Variants in NDUFAF6 observed in about 807,000 individuals in gnomAD.
NDUFAF6 encodes the protein NADH dehydrogenase (ubiquinone) complex I, assembly factor 6.
Under a neutral mutation model 40.8 loss-of-function variants are expected in NDUFAF6, and 45 were observed. The observed-to-expected ratio is 1.10, with a 90% CI of 0.87 to 1.42. NDUFAF6 has a LOEUF of 1.42. Ranked by LOEUF, NDUFAF6 falls within the 40% of genes most tolerant of loss-of-function variation. The pLI is 0.00. For missense variants in NDUFAF6, 435 were observed against 418.5 expected (o/e 1.04, Z -0.34); for synonymous variants, 185 against 155.9 (o/e 1.19, Z -1.39).
At chr8:95,059,237 T>G (rs1832505413), downstream of NDUFAF6, among the ~76,000 whole-genome samples, 2 of 152,190 alleles carry the variant, frequency 1.3e-5, no homozygotes. Context: ...CTCTCTCATT[T>G]AAGTCTTTGG....
intron 9 of NDUFAF6, among the ~76,000 whole-genome samples, chr8:95,070,115 A>G (rs1000193226): frequency 3.2e-4 from 49 of 152,132 alleles, no homozygotes; most frequent in African/African-American, 1.1e-3. Context: ...TTTGAGAGGC[A>G]TAGCATATGG....
intron 9 of NDUFAF6, among the ~76,000 whole-genome samples, chr8:95,070,494 T>C (rs1253625440): frequency 6.6e-6 from 1 of 152,226 alleles, no homozygotes; most frequent in Non-Finnish European, 1.5e-5. Flanking sequence ...TGCTTTAAGA[T>C]TTCAGGTTAT....
intron 1 of NDUFAF6, among the ~76,000 whole-genome samples, chr8:94,973,713 A>C (rs1318432566): frequency 1.3e-5 from 2 of 151,476 alleles, no homozygotes; most frequent in Non-Finnish European, 2.9e-5. Context: ...TGTCTCAAAA[A>C]AAAAAAAAAA....
rs531606065 is a variant in NDUFAF6, at chr8:95,069,460, T to C, written c.*512-6173T>C. ...TAAAGCTCTGCTTTCACATAGTTGG[T>C]CTTTAAAAATTCTATTGAATTAAAA... On this transcript the variant is annotated intron_variant and NMD_transcript_variant, in intron 9 of 9. Transcript: ENST00000520757. 4.1e-4 allele frequency among the ~76,000 whole-genome samples: 63 copies of C among 151,960 alleles called. 1 individual carries two copies. Among genetic ancestry groups the C allele is most frequent in the African/African-American group, 1.5e-3 (61 of 41,240 alleles).
chr8:94,967,040 G>A (rs1366246104), intron 1 of NDUFAF6, among the ~76,000 whole-genome samples: 1 of 152,164 alleles, frequency 6.6e-6, no homozygotes, highest in Non-Finnish European at 1.5e-5. Context: ...AAATTGGATA[G>A]ACCATTGTAA....
intron 1 of NDUFAF6, among the ~76,000 whole-genome samples, chr8:94,943,256 A>C (rs991348067): frequency 3.3e-5 from 5 of 152,204 alleles, no homozygotes; most frequent in Non-Finnish European, 7.3e-5. Context: ...TGGGAGGCTG[A>C]GGCCACAGGA....
upstream of NDUFAF6, among the ~76,000 whole-genome samples, chr8:95,097,237 T>C (rs1006333637): frequency 6.6e-6 from 1 of 152,210 alleles, no homozygotes; most frequent in Non-Finnish European, 1.5e-5. Flanking sequence ...GCTTCATTCC[T>C]TGACAACAAA....
intron 6 of NDUFAF6, 146 bp downstream of exon 6, chr8:95,047,273 C>A: frequency 8.7e-7 from 1 of 1,145,022 alleles, no homozygotes; most frequent in Non-Finnish European, 1.3e-6. Flanking sequence ...CTCTTTTTAT[C>A]CCAGAGTTAT....
At chr8:94,896,035 GC>G (rs200893368) in intron 1 of NDUFAF6, 1,778 of 153,094 alleles carry the variant, frequency 0.012, 16 homozygotes, top group Non-Finnish European at 0.018. Flanking sequence ...GTGGCCTCCA[GC>G]TGCCACCCCG....
chr8:94,950,749 A>G (rs779638958), intron 2 of NDUFAF6: 26 of 152,188 alleles, frequency 1.7e-4, no homozygotes, highest in Non-Finnish European at 2.9e-4. Context: ...TAGGAGCCCC[A>G]TGATCTCTTG....
intron 2 of NDUFAF6, among the ~76,000 whole-genome samples, chr8:94,993,048 C>A (rs1246692511): frequency 6.6e-6 from 1 of 152,184 alleles, no homozygotes; most frequent in African/African-American, 2.4e-5. Flanking sequence ...ACTCACAATC[C>A]TGGCAGTTAG....
intron 3 of NDUFAF6, 103 bp downstream of exon 3, chr8:95,035,679 T>C: frequency 8.6e-7 from 1 of 1,162,874 alleles, no homozygotes; most frequent in South Asian, 1.4e-5. Flanking sequence ...GAATCTATTC[T>C]GAAAATATTC....
chr8:95,021,887 A>C (rs933049335), upstream of NDUFAF6, among the ~76,000 whole-genome samples: 1 of 152,192 alleles, frequency 6.6e-6, no homozygotes, highest in Non-Finnish European at 1.5e-5. Flanking sequence ...ACTAATTGCT[A>C]CTGGTGTCCA....
At chr8:95,094,291 A>T (rs1375386717) in intron 2 of NDUFAF6, among the ~76,000 whole-genome samples, 1 of 148,148 alleles carries the variant, frequency 6.8e-6, no homozygotes, top group African/African-American at 2.5e-5. Flanking sequence ...TTCCTTTTTC[A>T]CCCCTTCCTC....
At chr8:95,025,878 G>C (rs1448521893) in intron 1 of NDUFAF6, among the ~76,000 whole-genome samples, 1 of 152,172 alleles carries the variant, frequency 6.6e-6, no homozygotes, top group African/African-American at 2.4e-5. Flanking sequence ...ATTTGTGGAG[G>C]TGGGTTGGAT....
intron 7 of NDUFAF6, among the ~76,000 whole-genome samples, chr8:95,050,585 G>A (rs1831314693): frequency 6.6e-6 from 1 of 152,162 alleles, no homozygotes; most frequent in South Asian, 2.1e-4. Context: ...CATATATGAA[G>A]AGTTTATAAT....
At chr8:94,921,630 A>C (rs1223238460) in intron 1 of NDUFAF6, among the ~76,000 whole-genome samples, 1 of 152,178 alleles carries the variant, frequency 6.6e-6, no homozygotes, top group African/African-American at 2.4e-5. Flanking sequence ...TGCTCTATAC[A>C]ATGCCTTCTC....
intron 1 of NDUFAF6, among the ~76,000 whole-genome samples, chr8:94,900,255 C>T (rs1021364533): frequency 6.6e-6 from 1 of 151,488 alleles, no homozygotes; most frequent in African/African-American, 2.4e-5. Flanking sequence ...GGGGAGGGGG[C>T]AGAGGTGTGC....
intron 2 of NDUFAF6, among the ~76,000 whole-genome samples, chr8:95,001,110 T>C (rs1826712529): frequency 6.6e-6 from 1 of 151,752 alleles, no homozygotes; most frequent in Non-Finnish European, 1.5e-5. Flanking sequence ...AGCACCACCA[T>C]GTGTGGCTAA....
Sources: allele counts gnomAD v4.1 joint callset (sites outside exome capture counted in the v4.1 genomes callset), GRCh38; gene constraint gnomAD v4.1.1; transcripts MANE v1.5; gene names NCBI Gene and HGNC (gene_info 2026-07-23, HGNC 2026-07-21).